The following CSMD3 variants were observed in gnomAD, a reference collection of about 807,000 sequenced individuals.
CSMD3 encodes CUB and sushi domain-containing protein 3.
A neutral mutation model predicts 435.2 loss-of-function variants in CSMD3; 177 were observed. The ratio of observed to expected loss-of-function variants is 0.41; its 90% CI spans 0.36 to 0.46. The LOEUF (loss-of-function observed/expected upper bound fraction) is 0.46. Ranked by LOEUF, CSMD3 falls within the 20% of genes least tolerant of loss-of-function variation. CSMD3 has a pLI of 0.34. For missense variants in CSMD3, 4,265 were observed against 4,504.6 expected, an observed-to-expected ratio of 0.95 and a Z score of 1.52; for synonymous variants, 1,656 against 1,520.5, an observed-to-expected ratio of 1.09 and a Z score of -2.07.
At chr8:112,562,902 T>C (rs1828758478) in intron 24 of CSMD3, among the ~76,000 whole-genome samples, 1 of 151,790 alleles carries the variant, frequency 6.6e-6, no homozygotes, top group African/African-American at 2.4e-5. Context: ...TAACATACTT[T>C]CCCAATTTCC....
At chr8:112,440,603 C>A (rs531488898) in intron 32 of CSMD3, among the ~76,000 whole-genome samples, 45 of 152,168 alleles carry the variant, frequency 3.0e-4, no homozygotes, top group Non-Finnish European at 4.1e-4. Context: ...AGGGCTCCAC[C>A]CCTGCAGCAA....
intron 10 of CSMD3, among the ~76,000 whole-genome samples, chr8:112,901,387 C>A (rs1287461457): frequency 2.0e-5 from 3 of 151,174 alleles, no homozygotes; most frequent in Admixed American, 1.3e-4. Context: ...TGAACAATCT[C>A]CCATGAGAAA....
At position 112,552,700 on chromosome 8, in the gene CSMD3, T is replaced by C; in HGVS notation, c.4255A>G (p.Lys1419Glu). 6.2e-7 allele frequency: 1 copy of C among 1,611,946 alleles called. No individual in the cohort carries two copies. Among genetic ancestry groups the C allele is most frequent in the Non-Finnish European group, 8.5e-7 (1 of 1,178,732 alleles). Residue 1419 changes from lysine to glutamate, a missense_variant, in exon 26 of 71, where the codon AAA becomes GAA. Coordinates refer to ENST00000297405, the MANE Select transcript of CSMD3 (RefSeq NM_198123.2). Reference protein sequence around the residue: ...SCIAECGGRFKGESSGRILSP... With the variant: ...SCIAECGGRFEGESSGRILSP... ...AAGATTCTTCCTGATGATTCTCCTTTAAAACGACCTCCACATTCAGCTGAT... is the reference window on the plus strand; with the variant it reads ...AAGATTCTTCCTGATGATTCTCCTTCAAAACGACCTCCACATTCAGCTGAT...
intron 10 of CSMD3, among the ~76,000 whole-genome samples, chr8:112,872,253 C>G (rs936689559): frequency 2.6e-5 from 4 of 152,018 alleles, no homozygotes; most frequent in Non-Finnish European, 5.9e-5. Flanking sequence ...AACTAATAAA[C>G]TGTCAAAAGT....
In CSMD3 at chr8:113,027,687, C is replaced by T. The variant is rs185771156; in HGVS notation, c.918-8508G>A. ...GTTACAAAGCAAAGGAGATAATTGG[C>T]TATAGTAAGCTTTATTTCCTTTCCT... On this transcript the variant is annotated intron_variant, in intron 5 of 70. Transcript: ENST00000297405. 9.8e-4 allele frequency among the ~76,000 whole-genome samples: 149 copies of T among 152,146 alleles called. 1 individual carries two copies. Among genetic ancestry groups the T allele is most frequent in the Admixed American group, 8.9e-3 (136 of 15,266 alleles).
chr8:113,151,019 A>G lies in CSMD3; in HGVS notation c.709+22703T>C, dbSNP rs78390439. On this transcript the variant is annotated intron_variant, in intron 4 of 70. Coordinates refer to ENST00000297405, the MANE Select transcript of CSMD3 (RefSeq NM_198123.2). The stretch of plus-strand genomic sequence containing the variant: ...GAATTTAGCACATAAAAATTAAAAG[A>G]TATCTTTTGAGAGATCAAATAATCT... 9.3e-3 allele frequency among the ~76,000 whole-genome samples: 1,408 copies of G among 152,108 alleles called. 14 individuals carry two copies. Among genetic ancestry groups the G allele is most frequent in the African/African-American group, 0.033 (1,355 of 41,542 alleles).
At chr8:112,784,941 G>C (rs1300757762) in intron 13 of CSMD3, among the ~76,000 whole-genome samples, 1 of 151,838 alleles carries the variant, frequency 6.6e-6, no homozygotes, top group Non-Finnish European at 1.5e-5. Context: ...ATATCAAAAC[G>C]AGACAAAGAC....
intron 24 of CSMD3, among the ~76,000 whole-genome samples, chr8:112,570,074 T>C (rs1829384280): frequency 6.6e-6 from 1 of 152,200 alleles, no homozygotes; most frequent in South Asian, 2.1e-4. Context: ...GCCTTAGGAA[T>C]AACTGGATAT....
At chr8:112,647,528 G>C (rs773540664) in intron 19 of CSMD3, among the ~76,000 whole-genome samples, 4 of 152,016 alleles carry the variant, frequency 2.6e-5, no homozygotes, top group Non-Finnish European at 5.9e-5. Context: ...GGATGGTCTC[G>C]ATCTCCTGAT....
At chr8:112,661,789 G>T (rs2131684171) in intron 17 of CSMD3, among the ~76,000 whole-genome samples, 1 of 152,006 alleles carries the variant, frequency 6.6e-6, no homozygotes, top group African/African-American at 2.4e-5. Context: ...AAGGGGTGAG[G>T]TCTTCATAAG....
At chr8:113,149,896 A>G (rs1564367874) in intron 4 of CSMD3, among the ~76,000 whole-genome samples, 1 of 151,964 alleles carries the variant, frequency 6.6e-6, no homozygotes, top group African/African-American at 2.4e-5. Context: ...GTCAGAATTC[A>G]TTAGTAAAAC....
chr8:112,839,679 C>T (rs2080126243), intron 11 of CSMD3, among the ~76,000 whole-genome samples: 1 of 151,032 alleles, frequency 6.6e-6, no homozygotes, highest in Non-Finnish European at 1.5e-5. Context: ...GTTTTTTTGT[C>T]CCTTATTAAT....
chr8:112,880,943 C>T lies in CSMD3; in HGVS notation c.1634-21677G>A, dbSNP rs1490908487. 3.3e-5 allele frequency among the ~76,000 whole-genome samples: 5 copies of T among 151,998 alleles called. 1 individual carries two copies. Among genetic ancestry groups the T allele is most frequent in the African/African-American group, 1.2e-4 (5 of 41,392 alleles). On this transcript the variant is annotated intron_variant, in intron 10 of 70. Transcript: ENST00000297405. Reference sequence around the variant, plus strand: ...AAAATGTAGCTGTTTTCACTTTCTACATATTTATTTGACAAATACAATTGT... The same window carrying T: ...AAAATGTAGCTGTTTTCACTTTCTATATATTTATTTGACAAATACAATTGT...
At chr8:112,703,772 G>T in intron 13 of CSMD3, among the ~76,000 whole-genome samples, 1 of 152,048 alleles carries the variant, frequency 6.6e-6, no homozygotes, top group East Asian at 1.9e-4. Context: ...AGCTAGAAAA[G>T]ACCTTGTGAG....
intron 1 of CSMD3, among the ~76,000 whole-genome samples, chr8:113,316,064 C>G (rs2132679015): frequency 6.6e-6 from 1 of 152,212 alleles, no homozygotes; most frequent in Admixed American, 6.5e-5. Flanking sequence ...AATGTAAAAA[C>G]CTAAGATTAA....
chr8:112,533,650 G>A (rs897588062), intron 27 of CSMD3, among the ~76,000 whole-genome samples: 1 of 151,828 alleles, frequency 6.6e-6, no homozygotes, highest in Non-Finnish European at 1.5e-5. Context: ...AAGGGAGAGA[G>A]AAAGAACAGT....
At chr8:112,307,132 G>GC (rs895360530) in intron 50 of CSMD3, among the ~76,000 whole-genome samples, 1 of 148,848 alleles carries the variant, frequency 6.7e-6, no homozygotes, top group African/African-American at 2.5e-5. Context: ...TTTGTTTTTT[G>GC]TTTTTTTTTG....
chr8:112,903,599 C>CT (rs534787425), intron 10 of CSMD3, among the ~76,000 whole-genome samples: 3,179 of 150,554 alleles, frequency 0.021, 104 homozygotes, highest in African/African-American at 0.073. Flanking sequence ...CCCCTGGAGC[C>CT]TTTTTTTTAA....
At chr8:112,399,460 T>C (rs997036035) in intron 35 of CSMD3, among the ~76,000 whole-genome samples, 1 of 152,010 alleles carries the variant, frequency 6.6e-6, no homozygotes, top group African/African-American at 2.4e-5. Context: ...AGATTTCCCA[T>C]TGGCCAGACT....
Sources: gnomAD v4.1 joint callset for allele counts (sites outside exome capture counted in the v4.1 genomes callset) on GRCh38, gnomAD v4.1.1 for gene constraint, MANE v1.5 for transcripts, NCBI Gene and HGNC (gene_info 2026-07-23, HGNC 2026-07-21) for gene names.